Variants in EPHA6 observed in about 807,000 individuals in gnomAD.
The protein encoded by EPHA6 is EPH receptor A6.
Under a neutral mutation model 112.0 loss-of-function variants are expected in EPHA6, and 50 were observed. That is an observed-to-expected ratio of 0.45 (90% CI 0.36 to 0.56). The LOEUF is 0.56. Ranked by LOEUF, EPHA6 falls within the 20% of genes least tolerant of loss-of-function variation. The pLI is 0.00. For missense variants in EPHA6, 1,280 were observed against 1,417.4 expected (o/e 0.90, Z 1.56); for synonymous variants, 529 against 490.7 (o/e 1.08, Z -1.03).
rs182271533 is a variant in EPHA6 at position 97,583,545 on chromosome 3, A to C, written c.2387-9067A>C. 5.8e-3 allele frequency among the ~76,000 whole-genome samples: 876 copies of C among 152,240 alleles called. 1 individual carries two copies. Among genetic ancestry groups the C allele is most frequent in the Non-Finnish European group, 0.01 (683 of 68,016 alleles). On this transcript the variant is annotated intron_variant, in intron 11 of 17. Coordinates refer to ENST00000389672, the MANE Select transcript of EPHA6 (RefSeq NM_001080448.3). The stretch of plus-strand genomic sequence containing the variant: ...CAGAGCAAGACTCTGTCTCAAAAAA[A>C]AAAAAAGAAAGAAATACTTTGGTGT...
intron 3 of EPHA6, among the ~76,000 whole-genome samples, chr3:97,151,193 C>A (rs572091810): frequency 2.0e-5 from 3 of 152,138 alleles, no homozygotes; most frequent in African/African-American, 7.2e-5. Context: ...TTCTGGATCT[C>A]CATCAATTAA....
chr3:97,494,266 C>T (rs1700112715), intron 10 of EPHA6, among the ~76,000 whole-genome samples: 1 of 152,138 alleles, frequency 6.6e-6, no homozygotes, highest in Non-Finnish European at 1.5e-5. Flanking sequence ...AGGGTTTCTT[C>T]CCCAAAAGTT....
At chr3:97,196,006 G>A (rs894923571) in intron 3 of EPHA6, among the ~76,000 whole-genome samples, 9 of 151,636 alleles carry the variant, frequency 5.9e-5, no homozygotes, top group African/African-American at 2.2e-4. Context: ...TACCCTTCTT[G>A]TGTATTGATA....
At chr3:96,853,181 T>G (rs960331721) in intron 1 of EPHA6, among the ~76,000 whole-genome samples, 2 of 152,086 alleles carry the variant, frequency 1.3e-5, no homozygotes, top group Non-Finnish European at 2.9e-5. Flanking sequence ...AGAGCAATAA[T>G]AGGTGTAAAG....
At chr3:96,920,941 G>T (rs1041173090) in intron 2 of EPHA6, among the ~76,000 whole-genome samples, 1 of 151,920 alleles carries the variant, frequency 6.6e-6, no homozygotes, top group Admixed American at 6.6e-5. Flanking sequence ...ATCCAAAATT[G>T]TATGGATTAT....
At chr3:97,490,438 A>G (rs1425881061) in intron 10 of EPHA6, among the ~76,000 whole-genome samples, 4 of 152,198 alleles carry the variant, frequency 2.6e-5, no homozygotes, top group African/African-American at 9.6e-5. Context: ...AGTTTATGTA[A>G]CAGGGGAAGT....
chr3:97,263,262 C>G (rs1008872016), intron 5 of EPHA6, among the ~76,000 whole-genome samples: 2 of 151,966 alleles, frequency 1.3e-5, no homozygotes, highest in African/African-American at 4.8e-5. Flanking sequence ...TTAAATAATT[C>G]TTACTTTTTT....
At chr3:97,071,230 A>G (rs1379648710) in intron 3 of EPHA6, among the ~76,000 whole-genome samples, 2 of 152,034 alleles carry the variant, frequency 1.3e-5, no homozygotes, top group African/African-American at 4.8e-5. Context: ...TTGTCCTAAG[A>G]TAAAAATAAC....
chr3:97,355,784 A>G (rs2084040236), intron 5 of EPHA6, among the ~76,000 whole-genome samples: 1 of 152,226 alleles, frequency 6.6e-6, no homozygotes, highest in Non-Finnish European at 1.5e-5. Context: ...ATTGCCTACA[A>G]GAAAAACACT....
chr3:96,937,771 AATTAATTTTTGTAT>A (rs1181464838), intron 2 of EPHA6, among the ~76,000 whole-genome samples: 8 of 152,172 alleles, frequency 5.3e-5, no homozygotes, highest in Non-Finnish European at 1.0e-4. Flanking sequence ...ATCCATCTTG[AATTAATTTTTGTAT>A]AAGGTGTAAG....
At chr3:97,271,519 G>A (rs1297518626) in intron 5 of EPHA6, among the ~76,000 whole-genome samples, 6 of 152,068 alleles carry the variant, frequency 3.9e-5, no homozygotes, top group Admixed American at 1.3e-4. Context: ...CACCATACCC[G>A]GCTACTTTTT....
chr3:96,969,904 A>G (rs1054055183), intron 2 of EPHA6, among the ~76,000 whole-genome samples: 1 of 152,000 alleles, frequency 6.6e-6, no homozygotes, highest in African/African-American at 2.4e-5. Context: ...TTTGTCTATC[A>G]ATGTACATTA....
chr3:97,611,664 T>C (rs995619377), intron 13 of EPHA6, among the ~76,000 whole-genome samples: 28 of 151,806 alleles, frequency 1.8e-4, no homozygotes, highest in African/African-American at 6.8e-4. Context: ...TTTTAATATC[T>C]ATCTATCTGT....
At chr3:97,105,858 A>G (rs896254305) in intron 3 of EPHA6, among the ~76,000 whole-genome samples, 3 of 152,162 alleles carry the variant, frequency 2.0e-5, no homozygotes, top group Non-Finnish European at 4.4e-5. Flanking sequence ...ATATGTATTT[A>G]GGATAGTTAA....
chr3:97,536,576 A>AC (rs2092767423), intron 11 of EPHA6, among the ~76,000 whole-genome samples: 2 of 152,060 alleles, frequency 1.3e-5, no homozygotes, highest in Non-Finnish European at 2.9e-5. Flanking sequence ...CTTGCTCAAA[A>AC]CCCCCTTTAA....
chr3:97,019,893 G>A (rs531675255), intron 3 of EPHA6, among the ~76,000 whole-genome samples: 21 of 152,134 alleles, frequency 1.4e-4, no homozygotes, highest in East Asian at 1.9e-4. Flanking sequence ...TATAGGTGTC[G>A]TCATTTGAAT....
chr3:97,180,397 C>A (rs2076955318), intron 3 of EPHA6, among the ~76,000 whole-genome samples: 1 of 152,072 alleles, frequency 6.6e-6, no homozygotes, highest in Non-Finnish European at 1.5e-5. Context: ...CATGCTGGTA[C>A]CTAAGGTACA....
chr3:97,481,638 T>G, intron 9 of EPHA6: 1 of 434,240 alleles, frequency 2.3e-6, no homozygotes, highest in South Asian at 2.0e-5. Context: ...GCCCGCCGCT[T>G]GGAGACGCCC....
chr3:97,369,687 C>T (rs2084941508), intron 5 of EPHA6, among the ~76,000 whole-genome samples: 1 of 152,092 alleles, frequency 6.6e-6, no homozygotes, highest in Non-Finnish European at 1.5e-5. Flanking sequence ...CTGATTGATA[C>T]AATGAAACAA....
Sources: gnomAD v4.1 joint callset for allele counts (sites outside exome capture counted in the v4.1 genomes callset) on GRCh38, gnomAD v4.1.1 for gene constraint, MANE v1.5 for transcripts, NCBI Gene and HGNC (gene_info 2026-07-23, HGNC 2026-07-21) for gene names.